The following PTPRT variants were observed in gnomAD, a reference collection of about 807,000 sequenced individuals.
The protein encoded by PTPRT is protein tyrosine phosphatase receptor type T, also known as receptor-type tyrosine-protein phosphatase T.
A neutral mutation model predicts 176.8 loss-of-function variants in PTPRT; 56 were observed. That is an observed-to-expected ratio of 0.32 (90% CI 0.26 to 0.40). PTPRT has a LOEUF of 0.40. Among genes scored for constraint, PTPRT ranks in the 10% least tolerant of loss-of-function variants. The pLI, the probability that PTPRT is intolerant of heterozygous loss-of-function variation, is 1.00. For synonymous variants in PTPRT, 783 were observed against 739.0 expected, an observed-to-expected ratio of 1.06 and a Z score of -0.96; for missense variants, 1,540 against 1,908.2, an observed-to-expected ratio of 0.81 and a Z score of 3.60.
intron 1 of PTPRT, among the ~76,000 whole-genome samples, chr20:42,979,171 A>T (rs2146082152): frequency 6.6e-6 from 1 of 152,242 alleles, no homozygotes; most frequent in South Asian, 2.1e-4. Flanking sequence ...ATTTTTTTTC[A>T]GATTTTTATT....
chr20:42,333,905 T>A (rs894768490), intron 11 of PTPRT, among the ~76,000 whole-genome samples: 5 of 152,134 alleles, frequency 3.3e-5, no homozygotes, highest in Admixed American at 3.3e-4. Flanking sequence ...GGTCTTGATC[T>A]CCTGACCTCA....
At position 43,139,291 on chromosome 20, in the gene PTPRT, G is replaced by A. The variant is rs376499232; in HGVS notation, c.88+50355C>T. On this transcript the variant is annotated intron_variant, in intron 1 of 30. Transcript: ENST00000373187. ...TAAATCTTGATTTTTTTCTGTTTTC[G>A]CTTACATGGAACCATGGGGCTTTTC... Among the ~76,000 whole-genome samples, 361 of 152,040 alleles carry A rather than the reference G, an allele frequency of 2.4e-3. 9 individuals carry two copies. In the South Asian group the frequency reaches 0.035, roughly 15 times the overall value.
chr20:42,967,944 G>A (rs1231817709), intron 1 of PTPRT, among the ~76,000 whole-genome samples: 1 of 152,100 alleles, frequency 6.6e-6, no homozygotes, highest in African/African-American at 2.4e-5. Context: ...AGAATGCGCG[G>A]TCTGTGCTTG....
chr20:42,261,396 G>T (rs1156705828), intron 13 of PTPRT, among the ~76,000 whole-genome samples: 1 of 147,614 alleles, frequency 6.8e-6, no homozygotes. Context: ...CATTTGCAAA[G>T]ATACTGTTTT....
chr20:42,910,769 A>G (rs2079534111), intron 1 of PTPRT, among the ~76,000 whole-genome samples: 1 of 152,220 alleles, frequency 6.6e-6, no homozygotes, highest in Non-Finnish European at 1.5e-5. Context: ...GACTTTCAAA[A>G]GAACATTGTA....
At chr20:43,181,346 T>TTAA (rs1272494377) in intron 1 of PTPRT, among the ~76,000 whole-genome samples, 4 of 152,030 alleles carry the variant, frequency 2.6e-5, no homozygotes, top group African/African-American at 9.7e-5. Flanking sequence ...TAACAGACAA[T>TTAA]TAATATAGCT....
intron 1 of PTPRT, among the ~76,000 whole-genome samples, chr20:43,125,487 A>G (rs1451318716): frequency 6.6e-6 from 1 of 152,198 alleles, no homozygotes; most frequent in African/African-American, 2.4e-5. Context: ...AAATAAAGCT[A>G]AGACTAAAGA....
At chr20:43,089,613 G>C (rs960007811) in intron 1 of PTPRT, among the ~76,000 whole-genome samples, 1 of 152,174 alleles carries the variant, frequency 6.6e-6, no homozygotes. Flanking sequence ...AGCAGAACCA[G>C]GGCAAATGGA....
chr20:42,653,786 T>G (rs6065520), intron 7 of PTPRT, among the ~76,000 whole-genome samples: 48 of 152,144 alleles, frequency 3.2e-4, no homozygotes, highest in Non-Finnish European at 6.3e-4. Flanking sequence ...TTGGGAATTC[T>G]TGATCTGCGA....
At chr20:42,065,822 T>A in the PTPRT span, among the ~76,000 whole-genome samples, 19 of 152,328 alleles carry the variant, frequency 1.2e-4, no homozygotes, top group African/African-American at 4.6e-4. Context: ...TAGTAATATC[T>A]ACCACTAATT....
At chr20:42,778,164 C>T (rs947537453) in intron 4 of PTPRT, among the ~76,000 whole-genome samples, 1 of 152,174 alleles carries the variant, frequency 6.6e-6, no homozygotes, top group African/African-American at 2.4e-5. Context: ...ATTCATGAGA[C>T]TTTGGGGGGT....
At chr20:42,660,905 G>A (rs2075211689) in intron 7 of PTPRT, among the ~76,000 whole-genome samples, 1 of 152,134 alleles carries the variant, frequency 6.6e-6, no homozygotes, top group Non-Finnish European at 1.5e-5. Context: ...AGGCTGGAGG[G>A]CAGTGGCATG....
At chr20:42,555,259 T>C (rs973719874) in intron 7 of PTPRT, among the ~76,000 whole-genome samples, 14 of 152,200 alleles carry the variant, frequency 9.2e-5, no homozygotes, top group African/African-American at 3.4e-4. Flanking sequence ...ATGTAAAAGA[T>C]TGTTTAATTA....
intron 1 of PTPRT, among the ~76,000 whole-genome samples, chr20:43,169,952 T>A (rs1018446614): frequency 9.2e-5 from 14 of 152,270 alleles, no homozygotes; most frequent in Admixed American, 3.3e-4. Context: ...AGAGGCTCTT[T>A]AGCTTCTTTC....
At chr20:43,078,797 C>A (rs2011354870) in intron 1 of PTPRT, among the ~76,000 whole-genome samples, 1 of 152,154 alleles carries the variant, frequency 6.6e-6, no homozygotes, top group East Asian at 1.9e-4. Context: ...GCAAAAGAAT[C>A]CATTTCCCAA....
the PTPRT span, among the ~76,000 whole-genome samples, chr20:42,055,687 G>A: frequency 1.3e-5 from 2 of 152,160 alleles, no homozygotes; most frequent in Admixed American, 6.5e-5. Context: ...TAGACAAAGG[G>A]AGGACCATGG....
intron 19 of PTPRT, among the ~76,000 whole-genome samples, chr20:42,126,947 C>T (rs1987887966): frequency 6.6e-6 from 1 of 152,090 alleles, no homozygotes; most frequent in Non-Finnish European, 1.5e-5. Context: ...TCTTCAACTC[C>T]ACTGAAGTTG....
downstream of PTPRT, among the ~76,000 whole-genome samples, chr20:42,071,757 G>A (rs1982346468): frequency 6.6e-6 from 1 of 152,100 alleles, no homozygotes; most frequent in Non-Finnish European, 1.5e-5. Context: ...CCTAGGCTCA[G>A]GCAATCCACT....
intron 9 of PTPRT, among the ~76,000 whole-genome samples, chr20:42,360,283 T>A (rs570411709): frequency 4.6e-5 from 7 of 152,202 alleles, no homozygotes; most frequent in African/African-American, 1.4e-4. Flanking sequence ...GCCCCTCCAA[T>A]CCTTAGCACC....
Sources: allele counts gnomAD v4.1 joint callset (sites outside exome capture counted in the v4.1 genomes callset), GRCh38; gene constraint gnomAD v4.1.1; transcripts MANE v1.5; gene names NCBI Gene and HGNC (gene_info 2026-07-23, HGNC 2026-07-21).